KCND2: variants seen among roughly 807,000 people sequenced by gnomAD.
The protein encoded by KCND2 is potassium voltage-gated channel subfamily D member 2.
A neutral mutation model predicts 54.4 loss-of-function variants in KCND2; 16 were observed. The ratio of observed to expected loss-of-function variants is 0.29; its 90% CI spans 0.20 to 0.45. KCND2 has a LOEUF of 0.45. KCND2 is among the 20% of genes least tolerant of loss of function. The probability of loss-of-function intolerance (pLI) is 1.00; values close to 1 mark genes in which losing one functional copy is unlikely to be tolerated. For missense variants in KCND2, 486 were observed against 824.2 expected (o/e 0.59, Z 5.02); for synonymous variants, 317 against 310.7 (o/e 1.02, Z -0.21).
In KCND2 at chr7:120,741,604, A is replaced by G; in HGVS notation, c.1349A>G (p.Asn450Ser). Residue 450 changes from asparagine to serine, a missense_variant, in exon 3 of 6, where the codon AAT becomes AGT. Around this residue, in one of 7 missense-constraint regions of KCND2, gnomAD observed 202 missense variants for 252.7 expected, o/e 0.80. Coordinates refer to ENST00000331113, the MANE Select transcript of KCND2 (RefSeq NM_012281.3). ...AATGCTTACATGCAGAGCAAACGGA[A>G]TGGTTTACTCAGTAATCAGCTGCAG... is the stretch of plus-strand genomic sequence containing the variant. ...SANAYMQSKR[N>S]GLLSNQLQSS... 1 of 1,612,492 alleles carries G rather than the reference A, an allele frequency of 6.2e-7. No individual in the cohort carries two copies. Among genetic ancestry groups the G allele is most frequent in the Non-Finnish European group, 8.5e-7 (1 of 1,178,726 alleles).
intron 1 of KCND2, among the ~76,000 whole-genome samples, chr7:120,649,550 A>ATAAATGTCTT (rs373152309): frequency 1.9e-3 from 286 of 152,320 alleles, no homozygotes; most frequent in African/African-American, 6.0e-3. Context: ...TTTTGGCTGC[A>ATAAATGTCTT]TAAATGTCTT....
intron 1 of KCND2, among the ~76,000 whole-genome samples, chr7:120,423,897 A>G (rs944819301): frequency 6.6e-6 from 1 of 152,202 alleles, no homozygotes; most frequent in African/African-American, 2.4e-5. Context: ...GAACAAAACC[A>G]GATATAAAAC....
chr7:120,488,956 C>T (rs1166291589), intron 1 of KCND2, among the ~76,000 whole-genome samples: 1 of 152,028 alleles, frequency 6.6e-6, no homozygotes, highest in Non-Finnish European at 1.5e-5. Flanking sequence ...CCTACCATTT[C>T]AGAGTATAGA....
intron 1 of KCND2, among the ~76,000 whole-genome samples, chr7:120,396,846 G>A (rs1801162392): frequency 6.6e-6 from 1 of 151,968 alleles, no homozygotes; most frequent in Non-Finnish European, 1.5e-5. Context: ...ACACCAGTGG[G>A]TTTTTGTTGT....
At chr7:120,487,828 C>T (rs116242005) in intron 1 of KCND2, among the ~76,000 whole-genome samples, 220 of 152,260 alleles carry the variant, frequency 1.4e-3, no homozygotes, top group African/African-American at 4.9e-3. Context: ...AGGCTGTTTT[C>T]AAATAACATA....
At chr7:120,399,701 CTTATTTATTTATTTAT>C (rs140548387) in intron 1 of KCND2, among the ~76,000 whole-genome samples, 2 of 148,318 alleles carry the variant, frequency 1.3e-5, no homozygotes, top group African/African-American at 2.5e-5. Context: ...TTATTTTTAC[CTTATTTATTTATTTAT>C]TTATTTATTT....
intron 1 of KCND2, among the ~76,000 whole-genome samples, chr7:120,316,366 T>G (rs1002866200): frequency 6.6e-6 from 1 of 152,226 alleles, no homozygotes; most frequent in Non-Finnish European, 1.5e-5. Flanking sequence ...TTATCACTGC[T>G]TCTGTAAGCT....
chr7:120,529,333 C>T (rs1412214256), intron 1 of KCND2, among the ~76,000 whole-genome samples: 3 of 152,138 alleles, frequency 2.0e-5, no homozygotes, highest in African/African-American at 7.2e-5. Context: ...GTAAAAGATG[C>T]CAGGATTTCA....
chr7:120,345,024 AAGCCCTCAT>A (rs1284165988), intron 1 of KCND2, among the ~76,000 whole-genome samples: 1 of 152,188 alleles, frequency 6.6e-6, no homozygotes, highest in Non-Finnish European at 1.5e-5. Context: ...TCAAAGAGAG[AAGCCCTCAT>A]AGGGGAAGAG....
At chr7:120,681,716 A>G (rs1163577616) in intron 1 of KCND2, among the ~76,000 whole-genome samples, 1 of 152,118 alleles carries the variant, frequency 6.6e-6, no homozygotes, top group Non-Finnish European at 1.5e-5. Context: ...TCTTTGTTGA[A>G]TATCAAGAAT....
chr7:120,641,350 C>A (rs1324864426), intron 1 of KCND2, among the ~76,000 whole-genome samples: 2 of 152,110 alleles, frequency 1.3e-5, no homozygotes, highest in Non-Finnish European at 2.9e-5. Context: ...GGCCCTGTAC[C>A]CCTCTAGTGT....
chr7:120,545,202 T>A (rs1407065397), intron 1 of KCND2, among the ~76,000 whole-genome samples: 3 of 151,522 alleles, frequency 2.0e-5, no homozygotes, highest in Non-Finnish European at 4.4e-5. Context: ...AAATTACTTC[T>A]GTTTCCCACC....
intron 1 of KCND2, among the ~76,000 whole-genome samples, chr7:120,551,567 T>C (rs2116396346): frequency 6.6e-6 from 1 of 152,300 alleles, no homozygotes; most frequent in East Asian, 1.9e-4. Flanking sequence ...CAGAGAAAGA[T>C]ATACTATTGC....
intron 1 of KCND2, among the ~76,000 whole-genome samples, chr7:120,542,118 T>G (rs1258837016): frequency 7.5e-6 from 1 of 133,820 alleles, no homozygotes; most frequent in Non-Finnish European, 1.5e-5. Context: ...ACCTGAAACT[T>G]TAGATCATCA....
At chr7:120,303,839 C>G (rs986320365) in intron 1 of KCND2, among the ~76,000 whole-genome samples, 1 of 152,122 alleles carries the variant, frequency 6.6e-6, no homozygotes, top group African/African-American at 2.4e-5. Context: ...AAATATTGAA[C>G]TGACCAACAA....
At chr7:120,518,392 A>G (rs1013049199) in intron 1 of KCND2, among the ~76,000 whole-genome samples, 3 of 152,196 alleles carry the variant, frequency 2.0e-5, no homozygotes, top group Non-Finnish European at 4.4e-5. Context: ...TACCTAAAAA[A>G]TGAAGCAAAT....
chr7:120,350,643 C>T (rs1451147678), intron 1 of KCND2, among the ~76,000 whole-genome samples: 3 of 152,128 alleles, frequency 2.0e-5, no homozygotes, highest in African/African-American at 7.2e-5. Flanking sequence ...AAAGATAACC[C>T]TGTGAATTTT....
At chr7:120,677,560 T>TAGATATAGATATAG (rs1477195497) in intron 1 of KCND2, among the ~76,000 whole-genome samples, 27 of 137,516 alleles carry the variant, frequency 2.0e-4, no homozygotes, top group African/African-American at 8.0e-4. Flanking sequence ...TATATAGATA[T>TAGATATAGATATAG]ATAGATATAT....
intron 1 of KCND2, among the ~76,000 whole-genome samples, chr7:120,556,399 A>G (rs189939464): frequency 3.3e-5 from 5 of 152,342 alleles, no homozygotes; most frequent in Non-Finnish European, 5.9e-5. Context: ...GCATAATTAC[A>G]GAGAAGAGAA....
Sources: gnomAD v4.1 joint callset for allele counts (sites outside exome capture counted in the v4.1 genomes callset) on GRCh38, gnomAD v4.1.1 for gene constraint, gnomAD v4.1.1 regional missense constraint, MANE v1.5 for transcripts, NCBI Gene and HGNC (gene_info 2026-07-23, HGNC 2026-07-21) for gene names.